Variants in ROCK1 observed in about 807,000 individuals in gnomAD.
ROCK1 encodes Rho associated coiled-coil containing protein kinase 1, also known as rho-associated protein kinase 1.
Under a neutral mutation model 196.8 loss-of-function variants are expected in ROCK1, and 36 were observed. The ratio of observed to expected loss-of-function variants is 0.18; its 90% confidence interval spans 0.14 to 0.24. The LOEUF is 0.24. Ranked by LOEUF, ROCK1 falls within the 10% of genes least tolerant of loss-of-function variation. The pLI is 1.00. For missense variants in ROCK1, 920 were observed against 1,562.0 expected, an observed-to-expected ratio of 0.59 and a Z score of 6.93; for synonymous variants, 443 against 515.9, an observed-to-expected ratio of 0.86 and a Z score of 1.91.
intron 1 of ROCK1, among the ~76,000 whole-genome samples, chr18:21,080,367 G>C (rs2143568749): frequency 1.3e-5 from 2 of 152,208 alleles, no homozygotes; most frequent in East Asian, 3.9e-4. Context: ...TGTTCAAAGA[G>C]TTGAAGGAAA....
intron 20 of ROCK1, 144 bp downstream of exon 20, chr18:20,984,207 G>A: frequency 3.2e-6 from 2 of 627,684 alleles, no homozygotes; most frequent in Non-Finnish European, 5.1e-6. Context: ...ACCTTTGCAA[G>A]TAAATTCTTT....
chr18:21,108,821 T>C (rs2036725151), intron 1 of ROCK1, among the ~76,000 whole-genome samples: 3 of 152,210 alleles, frequency 2.0e-5, no homozygotes, highest in Non-Finnish European at 4.4e-5. Context: ...ACCAGATTCA[T>C]CTTCTTCATT....
Position 20,955,010 on chromosome 18 carries a change from T to C in ROCK1, c.3626A>G (p.Asp1209Gly), listed in dbSNP as rs768283783. 3 of 1,613,568 alleles carry C rather than the reference T, an allele frequency of 1.9e-6. No homozygotes were observed. In the African/African-American group the frequency reaches 4.0e-5, roughly 22 times the overall value. ...TTGTTGTACTGGTTCCATCTCTACA[T>C]CTTTTCTACATTCACCTTCATTTGC... ...LYANEGECRK[D>G]VEMEPVQQAE... Residue 1209 changes from aspartate to glycine, a missense_variant, in exon 31 of 33, where the codon GAT becomes GGT. This residue lies in a region of ROCK1 where 49 missense variants were observed against 180.4 expected (regional missense o/e 0.27). Transcript: ENST00000399799.
chr18:21,056,504 G>C (rs2036246261), intron 2 of ROCK1, among the ~76,000 whole-genome samples: 1 of 152,060 alleles, frequency 6.6e-6, no homozygotes. Flanking sequence ...TAATCTGATA[G>C]CTTCTCACCC....
chr18:21,075,700 TC>T (rs1279232238), intron 1 of ROCK1, among the ~76,000 whole-genome samples: 2 of 152,004 alleles, frequency 1.3e-5, no homozygotes, highest in African/African-American at 4.8e-5. Context: ...ACACCTGAAA[TC>T]CCAGTACTTT....
chr18:21,005,958 T>C (rs1598525161), intron 16 of ROCK1, among the ~76,000 whole-genome samples: 1 of 152,234 alleles, frequency 6.6e-6, no homozygotes, highest in East Asian at 1.9e-4. Flanking sequence ...AATATGATCA[T>C]AAATATATTA....
At chr18:21,070,443 A>C (rs1418314215) in intron 2 of ROCK1, 89 bp downstream of exon 2, 1 of 662,748 alleles carries the variant, frequency 1.5e-6, no homozygotes, top group African/African-American at 1.9e-5. Context: ...ACCAAAAAGT[A>C]AATAGAAGAA....
chr18:21,054,313 T>C (rs371789447), intron 2 of ROCK1, among the ~76,000 whole-genome samples: 3 of 152,344 alleles, frequency 2.0e-5, no homozygotes, highest in African/African-American at 4.8e-5. Context: ...TAATTATATA[T>C]TCTTTTGACT....
At chr18:21,016,173 A>C (rs1472330482) in intron 12 of ROCK1, among the ~76,000 whole-genome samples, 1 of 152,224 alleles carries the variant, frequency 6.6e-6, no homozygotes, top group African/African-American at 2.4e-5. Context: ...AACATCTATA[A>C]TTTCTATTGG....
chr18:20,964,528 T>C (rs1343786685), intron 27 of ROCK1, among the ~76,000 whole-genome samples: 2 of 152,090 alleles, frequency 1.3e-5, no homozygotes, highest in Admixed American at 6.5e-5. Context: ...CTACTTCCAA[T>C]ATGAAAGTCA....
chr18:20,989,072 A>C (rs1031129067), intron 18 of ROCK1, among the ~76,000 whole-genome samples: 1 of 152,220 alleles, frequency 6.6e-6, no homozygotes, highest in Non-Finnish European at 1.5e-5. Context: ...GTACCCTGCA[A>C]ACAATGAAAA....
chr18:21,010,761 G>A (rs1357052380), intron 13 of ROCK1, among the ~76,000 whole-genome samples: 2 of 152,142 alleles, frequency 1.3e-5, no homozygotes, highest in Non-Finnish European at 2.9e-5. Flanking sequence ...CCTATGTTTG[G>A]TGATTCTTAC....
chr18:21,084,209 G>C (rs936777873), intron 1 of ROCK1, among the ~76,000 whole-genome samples: 14 of 150,514 alleles, frequency 9.3e-5, no homozygotes, highest in African/African-American at 3.2e-4. Flanking sequence ...TCAGGACATT[G>C]AATTTGACCA....
intron 29 of ROCK1, among the ~76,000 whole-genome samples, chr18:20,959,122 TATATATATTATATATATTATATAAA>T (rs2035295144): frequency 2.0e-5 from 1 of 49,768 alleles, no homozygotes; most frequent in Non-Finnish European, 3.0e-5. Flanking sequence ...TATTATATAA[TATATATATTATATATATTATATAAA>T]ATATATATAT....
chr18:21,021,248 A>G (rs1232103527), intron 11 of ROCK1, among the ~76,000 whole-genome samples: 5 of 152,194 alleles, frequency 3.3e-5, no homozygotes. Flanking sequence ...GCCTAGTTTG[A>G]TATGCCTGAG....
intron 27 of ROCK1, among the ~76,000 whole-genome samples, chr18:20,960,443 C>A (rs2143339380): frequency 6.6e-6 from 1 of 151,714 alleles, no homozygotes; most frequent in East Asian, 1.9e-4. Flanking sequence ...TAATCAATTA[C>A]AAAAGTATGA....
chr18:21,105,829 T>C (rs1389503232), intron 1 of ROCK1, among the ~76,000 whole-genome samples: 2 of 152,038 alleles, frequency 1.3e-5, no homozygotes, highest in Non-Finnish European at 2.9e-5. Flanking sequence ...TACATAGAGA[T>C]AATAATAATT....
chr18:21,027,800 C>T (rs1390750359), intron 10 of ROCK1, among the ~76,000 whole-genome samples: 5 of 111,198 alleles, frequency 4.5e-5, no homozygotes, highest in Non-Finnish European at 8.2e-5. Context: ...CTCGCTCTGT[C>T]GCCCAGGCTG....
In ROCK1 at chr18:20,986,957, T is replaced by C. The variant is rs2035583428; in HGVS notation, c.2297A>G (p.Glu766Gly). ...EHLTGNKERM[E>G]DEVKNLTLQL... ...CAGTACTATTTTTCTTACTTCATCC[T>C]CCATCCTTTCTTTATTTCCAGTCAA... Residue 766 changes from glutamate to glycine, a missense_variant, in exon 19 of 33, where the codon GAG (glutamate) becomes GGG (glycine). Glu to Gly is a moderately conservative substitution (Grantham distance 98, BLOSUM62 -2). This residue lies in a region of ROCK1 where 520 missense variants were observed against 657.1 expected (regional missense o/e 0.79). Coordinates refer to ENST00000399799, the MANE Select transcript of ROCK1 (RefSeq NM_005406.3). 6.3e-7 allele frequency: 1 copy of C among 1,595,206 alleles called. No homozygotes were observed.
Sources: gnomAD v4.1 joint callset for allele counts (sites outside exome capture counted in the v4.1 genomes callset) on GRCh38, gnomAD v4.1.1 for gene constraint, gnomAD v4.1.1 regional missense constraint, MANE v1.5 for transcripts, NCBI Gene and HGNC (gene_info 2026-07-23, HGNC 2026-07-21) for gene names.